EPS15: variants seen among roughly 807,000 people sequenced by gnomAD.
EPS15 encodes epidermal growth factor receptor substrate 15.
EPS15 carries 72 observed loss-of-function variants against 113.8 expected under a neutral mutation model. That is an observed-to-expected ratio of 0.63 (90% CI 0.52 to 0.77). The LOEUF (loss-of-function observed/expected upper bound fraction) is 0.77. Ranked by LOEUF, EPS15 falls within the 30% of genes least tolerant of loss-of-function variation. The probability of loss-of-function intolerance (pLI) is 0.00; values close to 1 mark genes in which losing one functional copy is unlikely to be tolerated. For missense variants in EPS15, 1,048 were observed against 1,045.8 expected (o/e 1.00, Z -0.03); for synonymous variants, 344 against 363.4 (o/e 0.95, Z 0.61).
intron 21 of EPS15, among the ~76,000 whole-genome samples, chr1:51,376,530 G>A (rs1646804391): frequency 6.6e-6 from 1 of 152,102 alleles, no homozygotes; most frequent in African/African-American, 2.4e-5. Flanking sequence ...CGTGTGTGGT[G>A]GCATGTGCCT....
chr1:51,372,202 G>A (rs1033678567), intron 21 of EPS15: 4 of 434,720 alleles, frequency 9.2e-6, no homozygotes, highest in African/African-American at 8.2e-5. Context: ...CACAGGAGTT[G>A]CTGCTACTGC....
chr1:51,461,549 T>G (rs1416485816), intron 7 of EPS15, among the ~76,000 whole-genome samples: 244 of 121,430 alleles, frequency 2.0e-3, no homozygotes, highest in African/African-American at 7.3e-3. Context: ...AAAAAAAAAG[T>G]GTACTGTTGA....
intron 21 of EPS15, among the ~76,000 whole-genome samples, chr1:51,393,622 T>A (rs2148404929): frequency 6.6e-6 from 1 of 152,356 alleles, no homozygotes; most frequent in South Asian, 2.1e-4. Context: ...AAGCGATCTA[T>A]TTTCAGCATA....
chr1:51,390,706 G>A (rs11205842), intron 21 of EPS15, among the ~76,000 whole-genome samples: 44,853 of 151,776 alleles, frequency 0.3, 8,796 homozygotes, highest in African/African-American at 0.56. Flanking sequence ...CAACAGACAC[G>A]TGAAAAAATG....
At chr1:51,400,444 C>T (rs1488454758) in intron 19 of EPS15, among the ~76,000 whole-genome samples, 1 of 152,042 alleles carries the variant, frequency 6.6e-6, no homozygotes, top group Non-Finnish European at 1.5e-5. Context: ...TCTGTAATCG[C>T]AGCACTTTGG....
intron 8 of EPS15, among the ~76,000 whole-genome samples, chr1:51,448,673 T>C (rs992872421): frequency 5.9e-5 from 9 of 152,180 alleles, no homozygotes; most frequent in Admixed American, 3.3e-4. Flanking sequence ...ATATACTTTG[T>C]TAGCTAAACT....
At chr1:51,419,480 A>G (rs1430323062) in intron 13 of EPS15, among the ~76,000 whole-genome samples, 2 of 152,122 alleles carry the variant, frequency 1.3e-5, no homozygotes, top group Non-Finnish European at 2.9e-5. Flanking sequence ...TATCACTGTG[A>G]CTTTATTAAT....
At chr1:51,387,062 C>G (rs553816504) in intron 21 of EPS15, among the ~76,000 whole-genome samples, 1 of 152,164 alleles carries the variant, frequency 6.6e-6, no homozygotes, top group African/African-American at 2.4e-5. Flanking sequence ...TTAAGGGCAG[C>G]CAGAGAGAAA....
chr1:51,388,342 G>A (rs1305294398), intron 21 of EPS15, among the ~76,000 whole-genome samples: 7 of 152,166 alleles, frequency 4.6e-5, no homozygotes, highest in African/African-American at 1.2e-4. Context: ...GAAATTTATA[G>A]CACTAAATGC....
At chr1:51,458,112 T>C (rs1345854762) in intron 8 of EPS15, 2 of 152,002 alleles carry the variant, frequency 1.3e-5, no homozygotes, top group Non-Finnish European at 2.9e-5. Flanking sequence ...AGTATTAAAA[T>C]CACACAAGCT....
intron 1 of EPS15, among the ~76,000 whole-genome samples, chr1:51,492,666 T>C (rs1211757035): frequency 6.6e-6 from 1 of 152,024 alleles, no homozygotes; most frequent in East Asian, 1.9e-4. Context: ...TCAGAAGACT[T>C]AGTGAGCCCT....
intron 13 of EPS15, among the ~76,000 whole-genome samples, chr1:51,415,405 A>G (rs1484936459): frequency 6.6e-6 from 1 of 152,204 alleles, no homozygotes. Flanking sequence ...GGAAATACCT[A>G]ACATTAATGA....
chr1:51,432,554 G>A (rs993997458), intron 12 of EPS15, among the ~76,000 whole-genome samples: 1 of 151,368 alleles, frequency 6.6e-6, no homozygotes, highest in Non-Finnish European at 1.5e-5. Context: ...ATTTCAAAAT[G>A]TAATAAAGAT....
intron 1 of EPS15, among the ~76,000 whole-genome samples, chr1:51,510,999 C>G (rs961749352): frequency 2.0e-5 from 3 of 151,486 alleles, no homozygotes; most frequent in South Asian, 4.2e-4. Context: ...AACCCCGTCT[C>G]TACTAAAAAC....
chr1:51,363,314 A>AG (rs955889949), intron 23 of EPS15, among the ~76,000 whole-genome samples: 1 of 151,836 alleles, frequency 6.6e-6, no homozygotes, highest in Non-Finnish European at 1.5e-5. Flanking sequence ...AAAAAAAAAA[A>AG]AGAGGAATAT....
At chr1:51,404,113 G>A (rs761557607) in intron 16 of EPS15, among the ~76,000 whole-genome samples, 12 of 149,060 alleles carry the variant, frequency 8.1e-5, no homozygotes, top group Non-Finnish European at 1.3e-4. Flanking sequence ...TTGGGAGGCC[G>A]AGGCAGGCAG....
At chr1:51,402,391 C>CT (rs202067917) in intron 18 of EPS15, 44 bp downstream of exon 18, 33,703 of 1,053,198 alleles carry the variant, frequency 0.032, 677 homozygotes, top group Middle Eastern at 0.08. Flanking sequence ...ATTAAAAAGT[C>CT]TTTTTTTTGG....
chr1:51,461,021 TAA>T, intron 8 of EPS15, 68 bp downstream of exon 8: 2 of 1,031,518 alleles, frequency 1.9e-6, no homozygotes, highest in Non-Finnish European at 3.0e-6. Context: ...AAGGATGAAC[TAA>T]AAGAGGAAAT....
At chr1:51,492,808 G>GC (rs111340101) in intron 1 of EPS15, among the ~76,000 whole-genome samples, 4,573 of 152,270 alleles carry the variant, frequency 0.03, 75 homozygotes, top group African/African-American at 0.05. Context: ...CTCCTTTGTA[G>GC]CCCCTCAAAT....
Sources: allele counts gnomAD v4.1 joint callset (sites outside exome capture counted in the v4.1 genomes callset), GRCh38; gene constraint gnomAD v4.1.1; transcripts MANE v1.5; gene names NCBI Gene and HGNC (gene_info 2026-07-23, HGNC 2026-07-21).